Variants in RUNX1T1 observed in about 807,000 individuals in gnomAD.
The protein encoded by RUNX1T1 is protein CBFA2T1.
In RUNX1T1, 4 loss-of-function variants were observed where a neutral mutation model predicts 62.8. That is an observed-to-expected ratio of 0.06 (90% confidence interval 0.03 to 0.15). The LOEUF is 0.15. Among genes scored for constraint, RUNX1T1 ranks in the 10% least tolerant of loss-of-function variants. RUNX1T1 has a pLI of 1.00. For synonymous variants in RUNX1T1, 291 were observed against 286.0 expected (o/e 1.02, Z -0.18); for missense variants, 508 against 754.3 (o/e 0.67, Z 3.82).
Position 92,069,190 on chromosome 8 carries a change from GAA to G in RUNX1T1, c.88+6773_88+6774del, listed in dbSNP as rs201921705. Reference sequence around the variant, plus strand: ...CTAAAATGAGCATGTATTATATTTTGAAAAAAAAAAAAGTTACTTTCAATGCA... The same window carrying G: ...CTAAAATGAGCATGTATTATATTTTGAAAAAAAAAAGTTACTTTCAATGCA... On this transcript the variant is annotated intron_variant, in intron 2 of 11. Coordinates refer to the RUNX1T1 transcript ENST00000265814. 5.5e-3 allele frequency among the ~76,000 whole-genome samples: 752 copies of G among 136,084 alleles called. 3 individuals carry two copies. Among genetic ancestry groups the G allele is most frequent in the Non-Finnish European group, 8.3e-3 (520 of 62,608 alleles). 89.3% of individuals were successfully genotyped at this position (136,084 alleles called of 152,430 possible).
chr8:92,073,160 G>A (rs1833932618), intron 2 of RUNX1T1, among the ~76,000 whole-genome samples: 1 of 152,112 alleles, frequency 6.6e-6, no homozygotes, highest in African/African-American at 2.4e-5. Context: ...CCTCAGGCCA[G>A]ACTACCACTC....
At chr8:92,059,048 AG>A (rs1831486185) in intron 1 of RUNX1T1, among the ~76,000 whole-genome samples, 1 of 152,214 alleles carries the variant, frequency 6.6e-6, no homozygotes, top group South Asian at 2.1e-4. Context: ...TTAACAGAAA[AG>A]AATGTAAAGA....
chr8:92,006,524 T>G (rs558056580), intron 4 of RUNX1T1: 44 of 152,264 alleles, frequency 2.9e-4, no homozygotes, highest in African/African-American at 8.4e-4. Context: ...AAAAATAGCC[T>G]TCTAGAGAAT....
chr8:92,087,627 A>C (rs1381455401), intron 1 of RUNX1T1, among the ~76,000 whole-genome samples: 1 of 152,130 alleles, frequency 6.6e-6, no homozygotes, highest in Non-Finnish European at 1.5e-5. Context: ...TTCAGTGGGA[A>C]CTGAGCCGAC....
chr8:91,973,606 G>A (rs970081877), intron 9 of RUNX1T1, among the ~76,000 whole-genome samples: 1 of 151,934 alleles, frequency 6.6e-6, no homozygotes, highest in African/African-American at 2.4e-5. Context: ...ACACTTTATA[G>A]ATTTTCTTCA....
In RUNX1T1 at chr8:92,013,617, G is replaced by C. The variant is rs573764329; in HGVS notation, c.387+962C>G. 2.6e-5 allele frequency among the ~76,000 whole-genome samples: 4 copies of C among 152,268 alleles called. No individual in the cohort carries two copies. In the East Asian group the frequency reaches 7.7e-4, roughly 29 times the overall value. On this transcript the variant is annotated intron_variant, in intron 3 of 10. Transcript: ENST00000396218. ...TCATAGCTTCTCCGTGACTCAGTTT[G>C]ATATGGGAGACTAGCCTTCCTAAAT...
At chr8:91,969,430 T>A (rs1483343806) in intron 10 of RUNX1T1, among the ~76,000 whole-genome samples, 2 of 152,256 alleles carry the variant, frequency 1.3e-5, no homozygotes, top group African/African-American at 4.8e-5. Context: ...CTCACGATAT[T>A]GCTCATTTGA....
intron 1 of RUNX1T1, among the ~76,000 whole-genome samples, chr8:92,060,553 A>ATATATATATATATATATATG: frequency 3.1e-5 from 2 of 63,974 alleles, no homozygotes; most frequent in Non-Finnish European, 6.5e-5. Flanking sequence ...ATATATATAT[A>ATATATATATATATATATATG]TGTGTGTGTG....
intron 1 of RUNX1T1, among the ~76,000 whole-genome samples, chr8:92,041,607 T>C (rs1384453204): frequency 6.6e-6 from 1 of 152,022 alleles, no homozygotes; most frequent in Non-Finnish European, 1.5e-5. Flanking sequence ...CTGGGCGTGG[T>C]GGCATGCGCC....
rs983752426 is a variant in RUNX1T1 at position 92,032,109 on chromosome 8, A to AG, written c.8-14747_8-14746insC. ...ATCCTGTCTCAAAAAAAAAAAAAAAAAAAAAAAAAGCATGACAAAACTATA... is the reference window on the plus strand; with the variant it reads ...ATCCTGTCTCAAAAAAAAAAAAAAAAGAAAAAAAAAGCATGACAAAACTATA... On this transcript the variant is annotated intron_variant, in intron 1 of 10. Coordinates refer to ENST00000396218, the Ensembl canonical transcript of RUNX1T1. Among the ~76,000 whole-genome samples the AG allele has an allele frequency of 6.0e-5, 9 of 151,062 alleles. No homozygotes were observed. In the East Asian group the frequency reaches 1.4e-3, roughly 23 times the overall value.
intron 1 of RUNX1T1, among the ~76,000 whole-genome samples, chr8:92,034,332 C>T (rs1260082463): frequency 6.6e-6 from 1 of 152,040 alleles, no homozygotes; most frequent in Non-Finnish European, 1.5e-5. Context: ...AGAATACAAT[C>T]CCCCAAAAAA....
At chr8:92,069,178 G>A (rs1563892880) in intron 2 of RUNX1T1, among the ~76,000 whole-genome samples, 1 of 149,150 alleles carries the variant, frequency 6.7e-6, no homozygotes, top group Non-Finnish European at 1.5e-5. Flanking sequence ...AAATGAGCAT[G>A]TATTATATTT....
chr8:92,074,668 A>G (rs1036548533), intron 2 of RUNX1T1, among the ~76,000 whole-genome samples: 1 of 152,218 alleles, frequency 6.6e-6, no homozygotes. Flanking sequence ...TAGCAGGCTA[A>G]TCAACCAAGA....
chr8:91,984,096 CCAAA>C (rs1816022865), intron 8 of RUNX1T1, among the ~76,000 whole-genome samples: 1 of 152,096 alleles, frequency 6.6e-6, no homozygotes, highest in Non-Finnish European at 1.5e-5. Context: ...AAGCTTAAGG[CCAAA>C]CAAATATCTC....
rs772414023 is a variant in RUNX1T1 at position 91,991,621 on chromosome 8, C to A, written c.910+18G>T. Reference sequence around the variant, plus strand: ...AGCACCCAATCCCGTAAGAAGTGAACAGGTCCTTCAGTCTTACCCATAGGT... The same window carrying A: ...AGCACCCAATCCCGTAAGAAGTGAAAAGGTCCTTCAGTCTTACCCATAGGT... On this transcript the variant is annotated intron_variant, in intron 6 of 10. Transcript: ENST00000396218. 2 of 1,606,208 alleles carry A rather than the reference C, an allele frequency of 1.2e-6. No individual in the cohort carries two copies. Among genetic ancestry groups the A allele is most frequent in the Non-Finnish European group, 1.7e-6 (2 of 1,174,068 alleles).
chr8:92,024,780 T>C (rs989173860), intron 1 of RUNX1T1, among the ~76,000 whole-genome samples: 4 of 152,146 alleles, frequency 2.6e-5, no homozygotes, highest in African/African-American at 9.7e-5. Flanking sequence ...CTGTGATAAC[T>C]ACTGACATTT....
chr8:92,102,192 G>A (rs990189147), upstream of RUNX1T1, among the ~76,000 whole-genome samples: 9 of 152,114 alleles, frequency 5.9e-5, no homozygotes. The surrounding 1 kb of genome is among the most constrained non-coding windows in gnomAD (Gnocchi z 4.5). Context: ...AGCCTCGGGC[G>A]GGAGCCGCCG....
chr8:92,016,132 C>T (rs1349583863), intron 2 of RUNX1T1, among the ~76,000 whole-genome samples: 1 of 152,190 alleles, frequency 6.6e-6, no homozygotes, highest in Non-Finnish European at 1.5e-5. Context: ...AAAATAGCTG[C>T]AACCGATAAC....
intron 1 of RUNX1T1, among the ~76,000 whole-genome samples, chr8:92,020,168 C>A (rs1334280836): frequency 6.6e-6 from 1 of 152,174 alleles, no homozygotes; most frequent in Non-Finnish European, 1.5e-5. Context: ...GGTGAAATAA[C>A]CAGCCAGGCC....
Sources: gnomAD v4.1 joint callset for allele counts (sites outside exome capture counted in the v4.1 genomes callset) on GRCh38, gnomAD v4.1.1 for gene constraint, Gnocchi (gnomAD v3.1) non-coding constraint, MANE v1.5 for transcripts, NCBI Gene and HGNC (gene_info 2026-07-23, HGNC 2026-07-21) for gene names.